Variants in OSBPL2 observed in about 807,000 individuals in gnomAD.
The protein encoded by OSBPL2 is oxysterol-binding protein-related protein 2.
Under a neutral mutation model 58.4 loss-of-function variants are expected in OSBPL2, and 18 were observed. That is an observed-to-expected ratio of 0.31 (90% CI 0.21 to 0.46). The LOEUF (loss-of-function observed/expected upper bound fraction) is 0.46. Ranked by LOEUF, OSBPL2 falls within the 20% of genes least tolerant of loss-of-function variation. The pLI is 1.00. For synonymous variants in OSBPL2, 221 were observed against 234.1 expected (o/e 0.94, Z 0.51); for missense variants, 461 against 616.5 (o/e 0.75, Z 2.67).
At chr20:62,278,032 G>A (rs1167159198) in intron 6 of OSBPL2, among the ~76,000 whole-genome samples, 1 of 152,214 alleles carries the variant, frequency 6.6e-6, no homozygotes, top group East Asian at 1.9e-4. Context: ...AGTCAGAGGT[G>A]TGTAAGGATT....
chr20:62,238,735 A>AGCCCCGGCCCCG (rs940727268), intron 1 of OSBPL2, 138 bp downstream of exon 1: 1 of 150,364 alleles, frequency 6.7e-6, no homozygotes, highest in Non-Finnish European at 1.5e-5. Context: ...GGCCGCCTCC[A>AGCCCCGGCCCCG]GCCCCGGCCC....
At chr20:62,290,629 C>T (rs1159593467) in intron 12 of OSBPL2, among the ~76,000 whole-genome samples, 1 of 151,436 alleles carries the variant, frequency 6.6e-6, no homozygotes, top group African/African-American at 2.4e-5. Flanking sequence ...ACCATGTTAG[C>T]CAGGACGGTC....
chr20:62,292,782 G>T (rs1261959104), intron 13 of OSBPL2, among the ~76,000 whole-genome samples: 1 of 152,080 alleles, frequency 6.6e-6, no homozygotes, highest in East Asian at 1.9e-4. Context: ...CACTGTTTGG[G>T]CTTCCAATTT....
At chr20:62,251,980 C>T (rs910029928) in intron 1 of OSBPL2, among the ~76,000 whole-genome samples, 1 of 138,204 alleles carries the variant, frequency 7.2e-6, no homozygotes, top group Admixed American at 8.1e-5. Flanking sequence ...GTCCCAGGCT[C>T]GAGTGATCCT....
chr20:62,257,375 A>T (rs892582848), intron 2 of OSBPL2, among the ~76,000 whole-genome samples: 1 of 152,226 alleles, frequency 6.6e-6, no homozygotes, highest in Non-Finnish European at 1.5e-5. Context: ...CCCCAGGAGA[A>T]GGGGATGATG....
chr20:62,254,773 A>C (rs1980808537), intron 1 of OSBPL2, among the ~76,000 whole-genome samples: 1 of 152,240 alleles, frequency 6.6e-6, no homozygotes, highest in Admixed American at 6.5e-5. Flanking sequence ...GTCGTTCATC[A>C]AACGCTGCTT....
chr20:62,249,813 AT>A (rs1459978788), intron 1 of OSBPL2, among the ~76,000 whole-genome samples: 3 of 152,156 alleles, frequency 2.0e-5, no homozygotes, highest in Non-Finnish European at 4.4e-5. Context: ...ACCTCAGGTG[AT>A]CCACCCGCCT....
intron 10 of OSBPL2, chr20:62,285,470 A>C (rs1021276890): frequency 6.6e-6 from 1 of 152,220 alleles, no homozygotes; most frequent in African/African-American, 2.4e-5. Context: ...TGCTTCTGGA[A>C]TCATTCCCTT....
In OSBPL2 at chr20:62,287,210, CAT is replaced by C. The variant is rs1002417920; in HGVS notation, c.1125+500_1125+501del. ...TTTTTATTAAATATATGATAAACTA[CAT>C]GTTTTATGACAAATAAAATATGTGA... On this transcript the variant is annotated intron_variant, in intron 11 of 13. Transcript: ENST00000313733. Among the ~76,000 whole-genome samples, 11 of 128,398 alleles carry C rather than the reference CAT, an allele frequency of 8.6e-5. 1 individual carries two copies. Among genetic ancestry groups the C allele is most frequent in the Admixed American group, 2.3e-4 (3 of 13,292 alleles). The allele number at this position is 128,398 out of a possible 152,430, so 84.2% of individuals were successfully genotyped here.
chr20:62,281,468 C>G (rs1982778355), intron 8 of OSBPL2: 4 of 511,494 alleles, frequency 7.8e-6, no homozygotes, highest in South Asian at 5.1e-5. Context: ...TGGCCACTGT[C>G]TAGGCTTGAA....
At chr20:62,279,565 CATCAT>C in intron 7 of OSBPL2, 1 of 563,106 alleles carries the variant, frequency 1.8e-6, no homozygotes, top group Admixed American at 3.3e-5. Flanking sequence ...CTTTCGGTCA[CATCAT>C]TCATTGTATG....
At chr20:62,260,739 G>C (rs1418532844) in intron 3 of OSBPL2, among the ~76,000 whole-genome samples, 1 of 152,174 alleles carries the variant, frequency 6.6e-6, no homozygotes, top group Non-Finnish European at 1.5e-5. Context: ...TGTAATCCCA[G>C]CACTTTGGGA....
At chr20:62,293,215 CT>C (rs1983643184) in intron 13 of OSBPL2, among the ~76,000 whole-genome samples, 1 of 151,880 alleles carries the variant, frequency 6.6e-6, no homozygotes. Context: ...AAATAATGAT[CT>C]TTTGTCCTTC....
At chr20:62,238,730 C>T (rs1979500247) in intron 1 of OSBPL2, 133 bp downstream of exon 1, 2 of 150,652 alleles carry the variant, frequency 1.3e-5, no homozygotes, top group Non-Finnish European at 3.0e-5. Context: ...CCGCAGGCCG[C>T]CTCCAGCCCC....
chr20:62,253,732 G>C (rs140883291), intron 1 of OSBPL2, among the ~76,000 whole-genome samples: 5 of 146,294 alleles, frequency 3.4e-5, no homozygotes, highest in South Asian at 4.7e-4. Context: ...GAGAAGGAGG[G>C]GGAGGCAAAG....
chr20:62,271,292 A>C (rs1982038424), intron 4 of OSBPL2, among the ~76,000 whole-genome samples: 1 of 151,986 alleles, frequency 6.6e-6, no homozygotes, highest in African/African-American at 2.4e-5. Flanking sequence ...CAGACACCTG[A>C]GACTCCTTTG....
At position 62,284,120 on chromosome 20, in the gene OSBPL2, C is replaced by A; in HGVS notation, c.947C>A (p.Ser316Tyr). The change falls in exon 10 of 14, where the codon TCC becomes TAC. Residue 316 changes from serine to tyrosine, a missense_variant. Ser to Tyr is a moderately radical substitution (Grantham distance 144, BLOSUM62 -2). This residue lies in a region of OSBPL2 where 319 missense variants were observed against 419.2 expected (regional missense o/e 0.76). Coordinates refer to ENST00000313733, the MANE Select transcript of OSBPL2 (RefSeq NM_144498.4). ...GGCATAGATCCTGTTTCGTATGAATCCTTCAAGAAGCAGGAGAGGAGAGGT... is the reference window on the plus strand; with the variant it reads ...GGCATAGATCCTGTTTCGTATGAATACTTCAAGAAGCAGGAGAGGAGAGGT... Reference protein sequence around the residue: ...LWGIDPVSYESFKKQERRGDH... With the variant: ...LWGIDPVSYEYFKKQERRGDH... 1 of 1,614,086 alleles carries A rather than the reference C, an allele frequency of 6.2e-7. No homozygotes were observed. Among genetic ancestry groups the A allele is most frequent in the African/African-American group, 1.3e-5 (1 of 75,032 alleles).
chr20:62,261,867 T>TC (rs1981335217), intron 3 of OSBPL2, among the ~76,000 whole-genome samples: 2 of 152,308 alleles, frequency 1.3e-5, no homozygotes, highest in East Asian at 3.9e-4. Context: ...CAGATGATTC[T>TC]CTTGCCTCAG....
At chr20:62,281,290 CG>C (rs1982767070) in intron 8 of OSBPL2, 125 bp downstream of exon 8, 1 of 668,568 alleles carries the variant, frequency 1.5e-6, no homozygotes, top group Non-Finnish European at 2.7e-6. Context: ...GCCGTGTCCC[CG>C]CCAGCCCAGG....
Sources: gnomAD v4.1 joint callset for allele counts (sites outside exome capture counted in the v4.1 genomes callset) on GRCh38, gnomAD v4.1.1 for gene constraint, gnomAD v4.1.1 regional missense constraint, MANE v1.5 for transcripts, NCBI Gene and HGNC (gene_info 2026-07-23, HGNC 2026-07-21) for gene names.